Variants in AGBL1 observed in about 807,000 individuals in gnomAD.
AGBL1 encodes AGBL carboxypeptidase 1.
In AGBL1, 130 loss-of-function variants were observed where a neutral mutation model predicts 118.9. That is an observed-to-expected ratio of 1.09 (90% CI 0.95 to 1.26). The LOEUF is 1.26. Ranked by LOEUF, AGBL1 falls within the 50% of genes most tolerant of loss-of-function variation. The pLI, the probability that AGBL1 is intolerant of heterozygous loss-of-function variation, is 0.00. For missense variants in AGBL1, 1,584 were observed against 1,298.1 expected, an observed-to-expected ratio of 1.22 and a Z score of -3.38; for synonymous variants, 555 against 478.9, an observed-to-expected ratio of 1.16 and a Z score of -2.08.
intron 18 of AGBL1, among the ~76,000 whole-genome samples, chr15:86,489,968 T>G (rs1047695784): frequency 6.6e-6 from 1 of 152,030 alleles, no homozygotes; most frequent in Non-Finnish European, 1.5e-5. Flanking sequence ...GAGCAGTATA[T>G]AAAACATAAA....
chr15:86,302,785 A>C (rs1400485383), intron 17 of AGBL1, among the ~76,000 whole-genome samples: 2 of 151,216 alleles, frequency 1.3e-5, no homozygotes, highest in African/African-American at 4.9e-5. Flanking sequence ...TCTCAAAAAA[A>C]AAAAAAAAAA....
intron 22 of AGBL1, among the ~76,000 whole-genome samples, chr15:86,791,291 A>G (rs8034587): frequency 0.39 from 59,646 of 152,076 alleles, 13,611 homozygotes; most frequent in Non-Finnish European, 0.54. Context: ...AGTATTATAT[A>G]TGAATCTCAG....
intron 24 of AGBL1, among the ~76,000 whole-genome samples, chr15:86,997,477 TC>T (rs2081390911): frequency 6.6e-6 from 1 of 152,216 alleles, no homozygotes; most frequent in South Asian, 2.1e-4. Context: ...ATTCTCAGCT[TC>T]AGTTTATCAA....
chr15:86,425,161 C>G (rs1339835866), intron 18 of AGBL1, among the ~76,000 whole-genome samples: 1 of 152,124 alleles, frequency 6.6e-6, no homozygotes, highest in East Asian at 1.9e-4. Context: ...CAGTGATAGG[C>G]TGGATAAAGA....
At chr15:86,870,671 G>GA (rs202092316) in intron 22 of AGBL1, among the ~76,000 whole-genome samples, 8 of 151,412 alleles carry the variant, frequency 5.3e-5, no homozygotes, top group South Asian at 2.1e-4. Flanking sequence ...AAGGAGCAGA[G>GA]AAAAAAAAGG....
At chr15:87,025,387 CAAAACA>C (rs150328054) in intron 24 of AGBL1, among the ~76,000 whole-genome samples, 4,276 of 151,396 alleles carry the variant, frequency 0.028, 83 homozygotes, top group Middle Eastern at 0.051. Flanking sequence ...AAAATAGCTG[CAAAACA>C]AAAACAAAAA....
At chr15:86,200,560 C>T (rs1034474283) in intron 5 of AGBL1, among the ~76,000 whole-genome samples, 2 of 138,770 alleles carry the variant, frequency 1.4e-5, no homozygotes, top group South Asian at 2.5e-4. Context: ...ACCCCCCCCC[C>T]CCTTTTTTTT....
intron 22 of AGBL1, among the ~76,000 whole-genome samples, chr15:86,749,652 A>G (rs2077815794): frequency 6.6e-6 from 1 of 152,182 alleles, no homozygotes; most frequent in Non-Finnish European, 1.5e-5. Context: ...TGGGTTTGTC[A>G]TAAATAGCTC....
chr15:86,163,750 T>G (rs542016886), intron 5 of AGBL1, among the ~76,000 whole-genome samples: 3 of 152,006 alleles, frequency 2.0e-5, no homozygotes, highest in African/African-American at 7.2e-5. Flanking sequence ...ATAAATAAAA[T>G]TAAATAAATA....
chr15:86,258,469 G>A (rs1049007871), intron 9 of AGBL1, among the ~76,000 whole-genome samples: 1 of 152,134 alleles, frequency 6.6e-6, no homozygotes, highest in Non-Finnish European at 1.5e-5. Flanking sequence ...TCTGTGAATT[G>A]TTTTCCCTTA....
intron 1 of AGBL1, among the ~76,000 whole-genome samples, chr15:86,140,630 A>G (rs1268789459): frequency 2.6e-5 from 4 of 152,180 alleles, no homozygotes; most frequent in African/African-American, 9.6e-5. Flanking sequence ...GGCTGAGCCC[A>G]GAGTGATGTG....
At chr15:86,744,170 C>T (rs945644385) in intron 22 of AGBL1, among the ~76,000 whole-genome samples, 8 of 152,084 alleles carry the variant, frequency 5.3e-5, no homozygotes, top group Admixed American at 4.6e-4. Context: ...CTAACGGTTT[C>T]CTGCCACCTT....
chr15:86,355,452 T>C (rs1386283884), intron 17 of AGBL1, among the ~76,000 whole-genome samples: 2 of 152,146 alleles, frequency 1.3e-5, no homozygotes, highest in Non-Finnish European at 2.9e-5. Context: ...CCATGATAAA[T>C]TAAAAAAGAG....
At chr15:86,984,439 A>C (rs2081261484) in intron 23 of AGBL1, among the ~76,000 whole-genome samples, 1 of 145,484 alleles carries the variant, frequency 6.9e-6, no homozygotes, top group South Asian at 2.2e-4. Context: ...ATCTCGGCTC[A>C]CTGCAACCTC....
At chr15:86,191,348 C>CAAAA (rs869108108) in intron 5 of AGBL1, among the ~76,000 whole-genome samples, 5,863 of 64,928 alleles carry the variant, frequency 0.09, 945 homozygotes, top group African/African-American at 0.31. Flanking sequence ...AACTTTGTCT[C>CAAAA]AAAAAAAAAA....
rs1346254025 is a variant in AGBL1, at chr15:86,852,429, A to AACC, written c.3159-54656_3159-54654dup. Among the ~76,000 whole-genome samples the AACC allele has an allele frequency of 3.3e-5, 5 of 152,146 alleles. No individual in the cohort carries two copies. The East Asian group carries it at 9.6e-4, about 29-fold the overall frequency. On this transcript the variant is annotated intron_variant, in intron 22 of 22. Coordinates refer to ENST00000614907, the MANE Select transcript of AGBL1 (RefSeq NM_001386094.1). ...ATATTTGGGTGGGGACACAGAGCCAAACCATATCAGTCCATTTCCTGAGAG... is the reference window on the plus strand; with the variant it reads ...ATATTTGGGTGGGGACACAGAGCCAAACCACCATATCAGTCCATTTCCTGAGAG...
chr15:86,963,492 C>T (rs1466399993), intron 23 of AGBL1, among the ~76,000 whole-genome samples: 4 of 151,852 alleles, frequency 2.6e-5, no homozygotes, highest in African/African-American at 9.7e-5. Context: ...ATCTAGTATA[C>T]TGGATGAATT....
intron 17 of AGBL1, among the ~76,000 whole-genome samples, chr15:86,309,342 C>G (rs1363258359): frequency 6.6e-6 from 1 of 152,170 alleles, no homozygotes; most frequent in African/African-American, 2.4e-5. Context: ...AAGATTATGT[C>G]ATCTACAAAC....
At chr15:86,962,510 C>G (rs983829438) in intron 23 of AGBL1, among the ~76,000 whole-genome samples, 3 of 151,952 alleles carry the variant, frequency 2.0e-5, no homozygotes, top group African/African-American at 7.3e-5. Context: ...CGTTTCACCA[C>G]AAAACACTTT....
Sources: allele counts gnomAD v4.1 joint callset (sites outside exome capture counted in the v4.1 genomes callset), GRCh38; gene constraint gnomAD v4.1.1; transcripts MANE v1.5; gene names NCBI Gene and HGNC (gene_info 2026-07-23, HGNC 2026-07-21).